DLEC1: variants seen among roughly 807,000 people sequenced by gnomAD.
The protein encoded by DLEC1 is deleted in lung and esophageal cancer protein 1.
Under a neutral mutation model 198.1 loss-of-function variants are expected in DLEC1, and 146 were observed. That is an observed-to-expected ratio of 0.74 (90% CI 0.64 to 0.85). The LOEUF (loss-of-function observed/expected upper bound fraction) is 0.85, where lower values mean the gene tolerates loss of function less well. Ranked by LOEUF, DLEC1 falls within the 40% of genes least tolerant of loss-of-function variation. The pLI is 0.00. For missense variants in DLEC1, 2,233 were observed against 2,220.0 expected, an observed-to-expected ratio of 1.01 and a Z score of -0.12; for synonymous variants, 897 against 866.8, an observed-to-expected ratio of 1.03 and a Z score of -0.61.
chr3:38,080,198 G>T (rs971378791), intron 6 of DLEC1, among the ~76,000 whole-genome samples: 4 of 152,166 alleles, frequency 2.6e-5, no homozygotes, highest in Non-Finnish European at 5.9e-5. Context: ...CTGGGCAGGT[G>T]GGGGAGGGCT....
chr3:38,114,586 A>G, intron 26 of DLEC1, 126 bp downstream of exon 26: 1 of 920,996 alleles, frequency 1.1e-6, no homozygotes, highest in African/African-American at 1.6e-5. Flanking sequence ...GCCACCTACA[A>G]GAAGGTTCCA....
chr3:38,062,069 T>C, intron 3 of DLEC1, 100 bp from the exon 4 acceptor site: 3 of 1,186,398 alleles, frequency 2.5e-6, no homozygotes, highest in Non-Finnish European at 3.7e-6. Context: ...AGGAGAAAGA[T>C]CAAGCTAACT....
chr3:38,102,266 A>G (rs889656669), intron 19 of DLEC1, among the ~76,000 whole-genome samples: 1 of 152,162 alleles, frequency 6.6e-6, no homozygotes, highest in Admixed American at 6.5e-5. Context: ...TCTGAGAGCC[A>G]ATCTGGCTCT....
intron 10 of DLEC1, among the ~76,000 whole-genome samples, chr3:38,088,665 C>T (rs1698591628): frequency 6.6e-6 from 1 of 152,174 alleles, no homozygotes; most frequent in Non-Finnish European, 1.5e-5. Flanking sequence ...CCACCAATGT[C>T]CAAGCTGCCT....
intron 1 of DLEC1, among the ~76,000 whole-genome samples, chr3:38,040,103 G>T (rs943248704): frequency 1.3e-4 from 20 of 152,164 alleles, no homozygotes; most frequent in African/African-American, 4.8e-4. Context: ...GAGAAAACCA[G>T]CTGACTCGCG....
chr3:38,055,976 C>T (rs577564177), intron 2 of DLEC1, among the ~76,000 whole-genome samples: 24 of 151,938 alleles, frequency 1.6e-4, no homozygotes, highest in South Asian at 1.0e-3. Context: ...CCCAGCACTT[C>T]GGGAGACCGA....
chr3:38,084,209 C>T lies in DLEC1; in HGVS notation c.1225C>T (p.Leu409Phe). 3.7e-6 allele frequency: 6 copies of T among 1,613,084 alleles called. No homozygotes were observed. The highest frequency in any genetic ancestry group is 3.3e-4 in the Middle Eastern group (2 of 6,052). The change falls in exon 7 of 37, where the codon CTC (leucine) becomes TTC (phenylalanine). Residue 409 changes from leucine (L) to phenylalanine (F), a missense_variant. Physicochemically the swap from Leu to Phe is conservative, Grantham distance 22. Coordinates refer to ENST00000308059, the MANE Select transcript of DLEC1 (RefSeq NM_007335.4). ...CACGACCAGCCGCTACCTGCGAGTC[C>T]TCCCGCCTTCCACGCCATACTTCGC... ...TTTTSRYLRV[L>F]PPSTPYFALG...
rs779989939 is a variant in DLEC1 at position 38,111,708 on chromosome 3, G to A, written c.3475G>A (p.Val1159Met). 1 of 1,613,436 alleles carries A rather than the reference G, an allele frequency of 6.2e-7. No individual in the cohort carries two copies. Among genetic ancestry groups the A allele is most frequent in the Non-Finnish European group, 8.5e-7 (1 of 1,179,816 alleles). The change falls in exon 24 of 37, where the codon GTG (valine) becomes ATG (methionine). Residue 1159 changes from valine to methionine, a missense_variant. Physicochemically the swap from Val to Met is conservative, Grantham distance 21. Transcript: ENST00000308059. ...PNMPPALLKT[V>M]RMQEHLAKRE... is the part of the protein sequence containing the mutation. ...CATGCCTCCTGCCCTGCTAAAGACA[G>A]TGCGGATGCAAGAGCACCTGGCCAA... is the stretch of plus-strand genomic sequence containing the variant.
chr3:38,113,901 T>C (rs901572458), intron 25 of DLEC1, among the ~76,000 whole-genome samples: 25 of 152,060 alleles, frequency 1.6e-4, no homozygotes, highest in African/African-American at 5.8e-4. Flanking sequence ...TTATTACTTT[T>C]GATTAGCAGA....
At chr3:38,116,064 C>T (rs370117321) in intron 27 of DLEC1, among the ~76,000 whole-genome samples, 7 of 151,856 alleles carry the variant, frequency 4.6e-5, no homozygotes, top group Admixed American at 2.0e-4. Context: ...TGGGGAAGGA[C>T]GTGAAAGCTG....
chr3:38,062,171 A>C lies in DLEC1; in HGVS notation c.676A>C (p.Ile226Leu). The C allele has an allele frequency of 6.2e-7, 1 of 1,614,186 alleles. No individual in the cohort carries two copies. Among genetic ancestry groups the C allele is most frequent in the Non-Finnish European group, 8.5e-7 (1 of 1,180,042 alleles). The change falls in exon 4 of 37, where the codon ATC becomes CTC. Residue 226 changes from isoleucine (I) to leucine (L), a missense_variant and splice_region_variant. Coordinates refer to ENST00000308059, the MANE Select transcript of DLEC1 (RefSeq NM_007335.4). ...TVPFHSAPKG[I>L]SLPGCSKLTF... Reference sequence around the variant, plus strand: ...AGTTTGTTTCCTTGATGCTGTAGGCATCTCCCTACCTGGATGTTCAAAACT... The same window carrying C: ...AGTTTGTTTCCTTGATGCTGTAGGCCTCTCCCTACCTGGATGTTCAAAACT...
At chr3:38,098,261 C>T (rs987672369) in intron 18 of DLEC1, among the ~76,000 whole-genome samples, 1 of 152,168 alleles carries the variant, frequency 6.6e-6, no homozygotes, top group Admixed American at 6.5e-5. Context: ...CCCACCTCCT[C>T]CCCACTCTCT....
rs554483744 is a variant in DLEC1 at position 38,122,239 on chromosome 3, A to G, written c.5144+45A>G. On this transcript the variant is annotated intron_variant, in intron 36 of 36. Transcript: ENST00000308059. ...TCCCCAAACTGCCCACAGAGCCTGG[A>G]CCCCCTGCCCAGGTGCCTCCTAACC... 8 of 1,608,562 alleles carry G rather than the reference A, an allele frequency of 5.0e-6. No homozygotes were observed. The African/African-American group carries it at 9.4e-5, about 19-fold the overall frequency.
intron 6 of DLEC1, among the ~76,000 whole-genome samples, chr3:38,073,125 A>AG (rs1299712491): frequency 3.3e-5 from 5 of 152,320 alleles, no homozygotes; most frequent in African/African-American, 1.2e-4. Context: ...TGAGGAGTGC[A>AG]GGGGAATAGT....
At chr3:38,054,601 C>G (rs1696257217) in intron 2 of DLEC1, among the ~76,000 whole-genome samples, 2 of 152,224 alleles carry the variant, frequency 1.3e-5, no homozygotes, top group South Asian at 4.1e-4. Flanking sequence ...TTTCAGTGGA[C>G]AGTCAACAAA....
chr3:38,115,977 CA>C (rs1366227661), intron 27 of DLEC1, among the ~76,000 whole-genome samples: 2 of 152,020 alleles, frequency 1.3e-5, no homozygotes, highest in Non-Finnish European at 2.9e-5. Context: ...TAGGTGTTGC[CA>C]GGTGGGTGCA....
intron 19 of DLEC1, among the ~76,000 whole-genome samples, chr3:38,102,029 C>T (rs1375618866): frequency 6.6e-6 from 1 of 152,150 alleles, no homozygotes; most frequent in Non-Finnish European, 1.5e-5. Flanking sequence ...CTGGGCATTC[C>T]CACCTTGCTG....
chr3:38,056,170 G>A (rs953896839), intron 2 of DLEC1, among the ~76,000 whole-genome samples: 1 of 151,812 alleles, frequency 6.6e-6, no homozygotes, highest in African/African-American at 2.4e-5. Context: ...GGCTGAGATG[G>A]GAGGATCACC....
At chr3:38,050,229 C>A (rs1445256830) in intron 2 of DLEC1, among the ~76,000 whole-genome samples, 1 of 152,010 alleles carries the variant, frequency 6.6e-6, no homozygotes, top group African/African-American at 2.4e-5. Context: ...CCACCACACC[C>A]GGCTAGTTTT....
Sources: gnomAD v4.1 joint callset for allele counts (sites outside exome capture counted in the v4.1 genomes callset) on GRCh38, gnomAD v4.1.1 for gene constraint, MANE v1.5 for transcripts, NCBI Gene and HGNC (gene_info 2026-07-23, HGNC 2026-07-21) for gene names.